Variants in RNGTT observed in about 807,000 individuals in gnomAD.
RNGTT encodes the protein mRNA-capping enzyme.
RNGTT carries 33 observed loss-of-function variants against 79.3 expected under a neutral mutation model. The observed-to-expected ratio is 0.42, with a 90% CI of 0.32 to 0.56. The LOEUF (loss-of-function observed/expected upper bound fraction) is 0.56. RNGTT is among the 20% of genes least tolerant of loss of function. The pLI is 0.17. For synonymous variants in RNGTT, 222 were observed against 235.9 expected (o/e 0.94, Z 0.54); for missense variants, 497 against 739.1 (o/e 0.67, Z 3.80).
intron 14 of RNGTT, among the ~76,000 whole-genome samples, chr6:88,653,975 C>G (rs936644382): frequency 6.6e-6 from 1 of 152,174 alleles, no homozygotes; most frequent in Non-Finnish European, 1.5e-5. Flanking sequence ...AATAATGCTA[C>G]CAAAAGCACC....
At chr6:88,620,061 A>G (rs573841680) in intron 14 of RNGTT, among the ~76,000 whole-genome samples, 6 of 152,332 alleles carry the variant, frequency 3.9e-5, no homozygotes, top group African/African-American at 1.4e-4. Flanking sequence ...AACACGTTAG[A>G]CTAGTACTTC....
chr6:88,958,419 C>T (rs1472483491), intron 1 of RNGTT, among the ~76,000 whole-genome samples: 1 of 152,154 alleles, frequency 6.6e-6, no homozygotes, highest in Non-Finnish European at 1.5e-5. Flanking sequence ...AAATAATCAG[C>T]AGAGTAAACA....
intron 13 of RNGTT, among the ~76,000 whole-genome samples, chr6:88,738,341 A>G (rs551341270): frequency 1.1e-4 from 16 of 152,340 alleles, no homozygotes; most frequent in Admixed American, 9.1e-4. Flanking sequence ...TATGACAACT[A>G]AATGTAATGC....
At chr6:88,735,760 T>C (rs960618693) in intron 13 of RNGTT, among the ~76,000 whole-genome samples, 2 of 151,958 alleles carry the variant, frequency 1.3e-5, no homozygotes, top group Non-Finnish European at 2.9e-5. Flanking sequence ...CAAGCTTCTA[T>C]TTTTGAAAAT....
intron 6 of RNGTT, among the ~76,000 whole-genome samples, chr6:88,897,729 A>C (rs1372033315): frequency 6.6e-6 from 1 of 152,200 alleles, no homozygotes; most frequent in African/African-American, 2.4e-5. Context: ...GTTCTCAGTC[A>C]ACTGATAAGG....
chr6:88,614,165 A>C, intron 15 of RNGTT, 107 bp downstream of exon 15: 1 of 1,059,252 alleles, frequency 9.4e-7, no homozygotes, highest in Non-Finnish European at 1.4e-6. Flanking sequence ...GATGAAGTCC[A>C]AATGACTATG....
At chr6:88,873,082 A>G (rs1454398196) in intron 8 of RNGTT, among the ~76,000 whole-genome samples, 1 of 152,176 alleles carries the variant, frequency 6.6e-6, no homozygotes, top group East Asian at 1.9e-4. Context: ...ACAGAAAAAA[A>G]AAAGAAAGAA....
At chr6:88,730,691 T>A (rs955462568) in intron 13 of RNGTT, among the ~76,000 whole-genome samples, 1 of 152,234 alleles carries the variant, frequency 6.6e-6, no homozygotes, top group Non-Finnish European at 1.5e-5. Flanking sequence ...TACGGGTCTG[T>A]GGCCTGGGAG....
At chr6:88,789,144 G>A (rs566412335) in intron 12 of RNGTT, among the ~76,000 whole-genome samples, 1 of 152,070 alleles carries the variant, frequency 6.6e-6, no homozygotes, top group Non-Finnish European at 1.5e-5. Context: ...TCTTGGCCGG[G>A]CACGGTGACT....
chr6:88,743,315 T>C (rs530520282), intron 13 of RNGTT, among the ~76,000 whole-genome samples: 2 of 152,208 alleles, frequency 1.3e-5, no homozygotes, highest in Non-Finnish European at 2.9e-5. Context: ...TTTTTTTTAT[T>C]ACGGTAAAAT....
intron 9 of RNGTT, among the ~76,000 whole-genome samples, chr6:88,851,098 CT>C (rs1330527745): frequency 6.6e-6 from 1 of 150,996 alleles, no homozygotes; most frequent in Non-Finnish European, 1.5e-5. Flanking sequence ...ATTTTATGAC[CT>C]TGTGGAAAAG....
At chr6:88,820,295 G>A (rs1159688348) in intron 11 of RNGTT, among the ~76,000 whole-genome samples, 2 of 152,010 alleles carry the variant, frequency 1.3e-5, no homozygotes, top group African/African-American at 4.8e-5. Context: ...TTAAAACATT[G>A]GCCAGTTACC....
chr6:88,875,683 T>C (rs1229891889), intron 8 of RNGTT, among the ~76,000 whole-genome samples: 1 of 152,156 alleles, frequency 6.6e-6, no homozygotes, highest in Admixed American at 6.5e-5. Flanking sequence ...AAATGTTCTA[T>C]GTAAAGTACT....
At chr6:88,837,472 A>G (rs1781120193) in intron 11 of RNGTT, among the ~76,000 whole-genome samples, 1 of 152,180 alleles carries the variant, frequency 6.6e-6, no homozygotes, top group Admixed American at 6.5e-5. Context: ...ACTGATGAAA[A>G]CAGAGTATAA....
intron 11 of RNGTT, among the ~76,000 whole-genome samples, chr6:88,843,247 C>T (rs566041587): frequency 3.3e-5 from 5 of 151,670 alleles, no homozygotes; most frequent in Admixed American, 6.6e-5. Context: ...GCAGTAGTTA[C>T]TAACATTACT....
At chr6:88,928,034 G>A (rs1784377990) in intron 4 of RNGTT, among the ~76,000 whole-genome samples, 1 of 151,322 alleles carries the variant, frequency 6.6e-6, no homozygotes, top group Admixed American at 6.6e-5. Context: ...GTGAGACCCT[G>A]TCTCTACAAA....
At position 88,769,805 on chromosome 6, in the gene RNGTT, G is replaced by A. The variant is rs763371848; in HGVS notation, c.1408C>T (p.Arg470Cys). 26 of 1,611,478 alleles carry A rather than the reference G, an allele frequency of 1.6e-5. No homozygotes were observed. The South Asian group carries it at 2.4e-4, about 15-fold the overall frequency. Residue 470 changes from arginine to cysteine, a missense_variant, in exon 13 of 16, where the codon CGT becomes TGT. By Grantham distance (180) the Arg-to-Cys change is radical. Coordinates refer to ENST00000369485, the MANE Select transcript of RNGTT (RefSeq NM_003800.5). ...KPPSLNSVDF[R>C]LKITRMGGEG... ...CCTCCCATTCTTGTTATTTTTAGAC[G>A]AAAATCCACAGAATTCAGACTGGGA...
chr6:88,866,696 T>C (rs1439240324), intron 8 of RNGTT, among the ~76,000 whole-genome samples: 1 of 152,180 alleles, frequency 6.6e-6, no homozygotes, highest in Non-Finnish European at 1.5e-5. Flanking sequence ...TTATTTTTCT[T>C]CAAATCTTCA....
At position 88,929,269 on chromosome 6, in the gene RNGTT, T is replaced by C; in HGVS notation, c.175-2A>G. 7.4e-7 allele frequency: 1 copy of C among 1,353,090 alleles called. No individual in the cohort carries two copies. The highest frequency in any genetic ancestry group is 1.0e-6 in the Non-Finnish European group (1 of 993,960). The allele number at this position is 1,353,090 out of a possible 1,614,324, so 83.8% of individuals were successfully genotyped here. ...GTCCACCAACAAGCCCATTTTAACC[T>C]AAAAAAAAAAAAAAATGAAAGGGCA... On this transcript the variant is annotated splice_acceptor_variant, in intron 2 of 15. Coordinates refer to ENST00000369485, the MANE Select transcript of RNGTT (RefSeq NM_003800.5). LOFTEE classifies it high-confidence loss of function.
Sources: gnomAD v4.1 joint callset for allele counts (sites outside exome capture counted in the v4.1 genomes callset) on GRCh38, gnomAD v4.1.1 for gene constraint, MANE v1.5 for transcripts, NCBI Gene and HGNC (gene_info 2026-07-23, HGNC 2026-07-21) for gene names.